The following C12orf56 variants were observed in gnomAD, a reference collection of about 807,000 sequenced individuals.
C12orf56 encodes chromosome 12 open reading frame 56.
Under a neutral mutation model 69.9 loss-of-function variants are expected in C12orf56, and 71 were observed. The ratio of observed to expected loss-of-function variants is 1.02; its 90% CI spans 0.84 to 1.24. C12orf56 has a LOEUF of 1.24. Ranked by LOEUF, C12orf56 falls within the 50% of genes most tolerant of loss-of-function variation. C12orf56 has a pLI of 0.00. For synonymous variants in C12orf56, 276 were observed against 274.1 expected (o/e 1.01, Z -0.07); for missense variants, 732 against 738.5 (o/e 0.99, Z 0.10).
intron 2 of C12orf56, among the ~76,000 whole-genome samples, chr12:64,342,433 C>G (rs911957374): frequency 2.6e-5 from 4 of 152,190 alleles, no homozygotes; most frequent in African/African-American, 7.2e-5. Flanking sequence ...ATCTGTGAAC[C>G]AGGCCCTAGT....
chr12:64,363,813 C>T (rs1389455090), intron 1 of C12orf56, among the ~76,000 whole-genome samples: 1 of 152,122 alleles, frequency 6.6e-6, no homozygotes, highest in African/African-American at 2.4e-5. Flanking sequence ...CTTTAATCCC[C>T]TGACCTGCAT....
chr12:64,339,197 G>A (rs561918951), intron 2 of C12orf56, among the ~76,000 whole-genome samples: 61 of 152,090 alleles, frequency 4.0e-4, no homozygotes, highest in Non-Finnish European at 8.1e-4. Context: ...CAAATAAAAT[G>A]TGTATCCTTA....
In C12orf56 at chr12:64,279,460, G is replaced by A. The variant is rs1433060806; in HGVS notation, c.1311-1657C>T. ...AGACAATGTCAGAGTAGATTTGAGG[G>A]GTAGGAGTAGTAAAATAATTCAAAG... On this transcript the variant is annotated intron_variant, in intron 8 of 12. Coordinates refer to ENST00000543942, the MANE Select transcript of C12orf56 (RefSeq NM_001170633.2). Among the ~76,000 whole-genome samples, 5 of 152,166 alleles carry A rather than the reference G, an allele frequency of 3.3e-5. No homozygotes were observed. In the East Asian group the frequency reaches 9.6e-4, roughly 29 times the overall value.
chr12:64,380,793 C>T (rs752924935), intron 1 of C12orf56, among the ~76,000 whole-genome samples: 5 of 152,006 alleles, frequency 3.3e-5, no homozygotes, highest in Admixed American at 6.6e-5. Flanking sequence ...GCATAAAGAA[C>T]GTGGGGAAGA....
chr12:64,285,437 A>C (rs1382612349), intron 7 of C12orf56, among the ~76,000 whole-genome samples: 1 of 152,174 alleles, frequency 6.6e-6, no homozygotes, highest in Non-Finnish European at 1.5e-5. Context: ...AAATATTACT[A>C]GTTTCTTGTG....
At position 64,297,846 on chromosome 12, in the gene C12orf56, A is replaced by G. The variant is rs1253126155; in HGVS notation, c.1113+5789T>C. Among the ~76,000 whole-genome samples, 3 of 152,220 alleles carry G rather than the reference A, an allele frequency of 2.0e-5. No homozygotes were observed. In the East Asian group the frequency reaches 5.8e-4, roughly 29 times the overall value. ...TTGTGAATAGTGCTGCAATAAACAT[A>G]CATGTGCATGTGTCTTTATAGCAAC... is the stretch of plus-strand genomic sequence containing the variant. On this transcript the variant is annotated intron_variant, in intron 6 of 12. Coordinates refer to ENST00000543942, the MANE Select transcript of C12orf56 (RefSeq NM_001170633.2).
In C12orf56 at chr12:64,376,081, G is replaced by A. The variant is rs138413468; in HGVS notation, c.252+14233C>T. ...AGATGAGATGCACCAAAACTGCAAC[G>A]CCTGCAGCCAACATTGGTCAATAGG... is the stretch of plus-strand genomic sequence containing the variant. On this transcript the variant is annotated intron_variant, in intron 1 of 12. Coordinates refer to ENST00000543942, the MANE Select transcript of C12orf56 (RefSeq NM_001170633.2). 1.5e-3 allele frequency among the ~76,000 whole-genome samples: 233 copies of A among 152,140 alleles called. 1 individual carries two copies. The highest frequency in any genetic ancestry group is 5.3e-3 in the African/African-American group (218 of 41,522).
chr12:64,331,611 G>A (rs958589817), intron 2 of C12orf56, among the ~76,000 whole-genome samples: 2 of 152,150 alleles, frequency 1.3e-5, no homozygotes, highest in African/African-American at 2.4e-5. Context: ...AAAGGTTGAC[G>A]GGAGTGCCCT....
In C12orf56 at chr12:64,266,838, G is replaced by A. The variant is rs1379829798; in HGVS notation, c.*345C>T. ...CTTTTGCTGCTAAGGTGGAAGAGAAGTGAGTACAGCTTTCCTAAATCCCTG... is the reference window on the plus strand; with the variant it reads ...CTTTTGCTGCTAAGGTGGAAGAGAAATGAGTACAGCTTTCCTAAATCCCTG... On this transcript the variant is annotated 3_prime_UTR_variant, in exon 13 of 13. Transcript: ENST00000543942. The A allele has an allele frequency of 3.3e-6, 1 of 303,052 alleles. No homozygotes were observed. Among genetic ancestry groups the A allele is most frequent in the African/African-American group, 2.2e-5 (1 of 45,592 alleles). The allele number at this position is 303,052 out of a possible 1,614,324, so 18.8% of individuals were successfully genotyped here.
At chr12:64,351,458 C>T (rs955833639) in intron 2 of C12orf56, among the ~76,000 whole-genome samples, 3 of 152,142 alleles carry the variant, frequency 2.0e-5, no homozygotes, top group Admixed American at 6.5e-5. Context: ...CACAGGTGAG[C>T]GTGACTGATT....
chr12:64,282,084 A>G (rs1415623025), intron 8 of C12orf56, among the ~76,000 whole-genome samples: 1 of 152,158 alleles, frequency 6.6e-6, no homozygotes, highest in Non-Finnish European at 1.5e-5. Context: ...AGCTGGGCGC[A>G]GTGGTTCATG....
chr12:64,353,839 G>A (rs533104480), intron 1 of C12orf56, among the ~76,000 whole-genome samples: 35 of 152,062 alleles, frequency 2.3e-4, no homozygotes, highest in Admixed American at 1.9e-3. Flanking sequence ...CTGCGATCAC[G>A]CCCAGCTAAT....
chr12:64,279,430 A>T (rs2038095713), intron 8 of C12orf56, among the ~76,000 whole-genome samples: 1 of 152,214 alleles, frequency 6.6e-6, no homozygotes, highest in Admixed American at 6.5e-5. Flanking sequence ...CAGTTGCCTA[A>T]TTGAAGACAA....
At chr12:64,313,441 G>A (rs1323684273) in intron 4 of C12orf56, among the ~76,000 whole-genome samples, 2 of 151,664 alleles carry the variant, frequency 1.3e-5, no homozygotes, top group African/African-American at 2.4e-5. Context: ...CAGCTACTTC[G>A]GAGGCTGAGG....
chr12:64,375,068 T>G (rs1271721458), intron 1 of C12orf56, among the ~76,000 whole-genome samples: 1 of 151,762 alleles, frequency 6.6e-6, no homozygotes, highest in African/African-American at 2.4e-5. Context: ...TTTATTTTAT[T>G]ATTTATTTAT....
chr12:64,364,439 AG>A (rs1480002915), intron 1 of C12orf56, among the ~76,000 whole-genome samples: 1 of 152,158 alleles, frequency 6.6e-6, no homozygotes, highest in African/African-American at 2.4e-5. Context: ...GGTAGGGAGC[AG>A]TGAAGAGGCA....
Position 64,270,528 on chromosome 12 carries a change from T to C in C12orf56, c.1763+8A>G, listed in dbSNP as rs753335510. 7.9e-6 allele frequency: 12 copies of C among 1,521,122 alleles called. No individual in the cohort carries two copies. The highest frequency in any genetic ancestry group is 1.1e-5 in the Non-Finnish European group (12 of 1,133,462). 94.2% of individuals were successfully genotyped at this position (1,521,122 alleles called of 1,614,324 possible). ...TACTGCAGATTAGATTCAGACATTTTTTCTTACCTGAATTCTTCTCTGTAG... is the reference window on the plus strand; with the variant it reads ...TACTGCAGATTAGATTCAGACATTTCTTCTTACCTGAATTCTTCTCTGTAG... On this transcript the variant is annotated splice_region_variant and intron_variant, in intron 12 of 12. Transcript: ENST00000543942.
At chr12:64,340,840 G>T (rs768208182) in intron 2 of C12orf56, among the ~76,000 whole-genome samples, 1 of 152,134 alleles carries the variant, frequency 6.6e-6, no homozygotes, top group Non-Finnish European at 1.5e-5. Context: ...GCAGGTCATG[G>T]TTTTTTCCTG....
At chr12:64,355,407 A>T (rs2135954421) in intron 1 of C12orf56, among the ~76,000 whole-genome samples, 1 of 152,296 alleles carries the variant, frequency 6.6e-6, no homozygotes, top group South Asian at 2.1e-4. Context: ...GACTTAGGCT[A>T]AACAATTTTA....
Sources: allele counts gnomAD v4.1 joint callset (sites outside exome capture counted in the v4.1 genomes callset), GRCh38; gene constraint gnomAD v4.1.1; transcripts MANE v1.5; gene names NCBI Gene and HGNC (gene_info 2026-07-23, HGNC 2026-07-21).